The following LHFPL6 variants were observed in gnomAD, a reference collection of about 807,000 sequenced individuals.
LHFPL6 encodes LHFPL tetraspan subfamily member 6 protein.
LHFPL6 carries 9 observed loss-of-function variants against 20.6 expected under a neutral mutation model. The ratio of observed to expected loss-of-function variants is 0.44; its 90% CI spans 0.26 to 0.76. LHFPL6 has a LOEUF of 0.76. Ranked by LOEUF, LHFPL6 falls within the 30% of genes least tolerant of loss-of-function variation. LHFPL6 has a pLI of 0.20. For synonymous variants in LHFPL6, 105 were observed against 98.7 expected, an observed-to-expected ratio of 1.06 and a Z score of -0.38; for missense variants, 218 against 253.5, an observed-to-expected ratio of 0.86 and a Z score of 0.95.
intron 2 of LHFPL6, among the ~76,000 whole-genome samples, chr13:39,437,632 G>T (rs138491299): frequency 6.6e-6 from 1 of 152,136 alleles, no homozygotes; most frequent in Non-Finnish European, 1.5e-5. Context: ...GGCCAGGCGC[G>T]GTGGCTCACG....
In LHFPL6 at chr13:39,600,991, C is replaced by G; in HGVS notation, c.226G>C (p.Gly76Arg). The change falls in exon 2 of 4, where the codon GGC becomes CGC. Residue 76 changes from glycine to arginine, a missense_variant. Gly to Arg is a moderately radical substitution (Grantham distance 125). Transcript: ENST00000379589. ...ATCCTCCATTCTGCGCTGGGGATGC[C>G]CTGGAAGGAGGCATAGCGCCCACAT... ...EECGRYASFQ[G>R]IPSAEWRICT... The G allele has an allele frequency of 6.2e-7, 1 of 1,613,922 alleles. No individual in the cohort carries two copies. Among genetic ancestry groups the G allele is most frequent in the Non-Finnish European group, 8.5e-7 (1 of 1,179,888 alleles).
intron 2 of LHFPL6, among the ~76,000 whole-genome samples, chr13:39,436,450 A>C (rs928107484): frequency 6.6e-6 from 1 of 152,232 alleles, no homozygotes; most frequent in Non-Finnish European, 1.5e-5. Context: ...CAGCAGCTTT[A>C]GTCTAGAGAA....
chr13:39,386,583 A>G (rs1870568893), intron 2 of LHFPL6, among the ~76,000 whole-genome samples: 2 of 152,238 alleles, frequency 1.3e-5, no homozygotes, highest in East Asian at 1.9e-4. Flanking sequence ...ACAGTCACAC[A>G]CTCACCACCC....
chr13:39,442,365 C>T (rs1474800786), intron 2 of LHFPL6, among the ~76,000 whole-genome samples: 1 of 152,044 alleles, frequency 6.6e-6, no homozygotes, highest in African/African-American at 2.4e-5. Flanking sequence ...TTGAGCAAAC[C>T]TTAAGAAAAA....
At chr13:39,358,997 C>A (rs1869804135) in intron 3 of LHFPL6, among the ~76,000 whole-genome samples, 1 of 152,050 alleles carries the variant, frequency 6.6e-6, no homozygotes. Flanking sequence ...ATGGTGAAAC[C>A]CCATCTCTAC....
intron 2 of LHFPL6, among the ~76,000 whole-genome samples, chr13:39,420,290 T>A (rs919878826): frequency 6.6e-6 from 1 of 152,194 alleles, no homozygotes; most frequent in African/African-American, 2.4e-5. Flanking sequence ...AATCCATACC[T>A]CAATTTGAAC....
chr13:39,387,588 C>T (rs1215075130), intron 2 of LHFPL6, among the ~76,000 whole-genome samples: 4 of 150,530 alleles, frequency 2.7e-5, no homozygotes, highest in African/African-American at 9.8e-5. Flanking sequence ...ATCATTACCC[C>T]TGTTTAATAG....
rs186341844 is a variant in LHFPL6, at chr13:39,535,077, T to G, written c.385+65755A>C. On this transcript the variant is annotated intron_variant, in intron 2 of 3. Coordinates refer to ENST00000379589, the MANE Select transcript of LHFPL6 (RefSeq NM_005780.3). The stretch of plus-strand genomic sequence containing the variant: ...CTTTCTTGATTTGTAGCAGCATAAC[T>G]GCAATCTCTACTTCTGTTTTCATGC... Among the ~76,000 whole-genome samples the G allele has an allele frequency of 2.7e-3, 405 of 152,332 alleles. 2 individuals are homozygous for G. The highest frequency in any genetic ancestry group is 2.8e-3 in the Non-Finnish European group (190 of 68,026).
intron 2 of LHFPL6, among the ~76,000 whole-genome samples, chr13:39,541,431 T>C (rs1038237413): frequency 4.6e-5 from 7 of 152,192 alleles, no homozygotes; most frequent in Non-Finnish European, 7.3e-5. Context: ...ATTATGTCAT[T>C]GATGATGCAG....
chr13:39,513,415 T>A (rs1869792988), intron 2 of LHFPL6, among the ~76,000 whole-genome samples: 1 of 152,254 alleles, frequency 6.6e-6, no homozygotes, highest in Non-Finnish European at 1.5e-5. Flanking sequence ...CTTCTTTTCC[T>A]ATCCTATGCC....
At chr13:39,593,442 C>T (rs913312646) in intron 2 of LHFPL6, among the ~76,000 whole-genome samples, 1 of 152,048 alleles carries the variant, frequency 6.6e-6, no homozygotes, top group Non-Finnish European at 1.5e-5. Flanking sequence ...GAACTACAAA[C>T]CACTGCTCAA....
intron 2 of LHFPL6, among the ~76,000 whole-genome samples, chr13:39,461,490 T>C (rs1222158471): frequency 1.3e-5 from 2 of 152,190 alleles, no homozygotes; most frequent in Non-Finnish European, 2.9e-5. Context: ...TGTTTACTGC[T>C]ACATTCACAA....
chr13:39,510,435 C>T (rs1869652739), intron 2 of LHFPL6, among the ~76,000 whole-genome samples: 1 of 152,184 alleles, frequency 6.6e-6, no homozygotes, highest in Admixed American at 6.5e-5. Flanking sequence ...TTGTTTCTCC[C>T]CAGGGGTAGG....
intron 2 of LHFPL6, among the ~76,000 whole-genome samples, chr13:39,467,696 A>G (rs1332534045): frequency 5.3e-5 from 8 of 152,176 alleles, no homozygotes; most frequent in Admixed American, 4.6e-4. Flanking sequence ...ATTAAACACC[A>G]CACCTAGGGC....
At chr13:39,513,896 A>C (rs1869811528) in intron 2 of LHFPL6, among the ~76,000 whole-genome samples, 1 of 152,202 alleles carries the variant, frequency 6.6e-6, no homozygotes, top group South Asian at 2.1e-4. Flanking sequence ...GAGATAAATA[A>C]TACACACAAT....
rs139105710 is a variant in LHFPL6, at chr13:39,382,578, C to T, written c.386-4052G>A. ...CTGATTTTTGTATTTTTAGTGGAGA[C>T]GGGGTTTCACCATGTTGGTCAGGTT... On this transcript the variant is annotated intron_variant, in intron 2 of 3. Coordinates refer to ENST00000379589, the MANE Select transcript of LHFPL6 (RefSeq NM_005780.3). 5.4e-3 allele frequency among the ~76,000 whole-genome samples: 828 copies of T among 152,014 alleles called. 9 individuals carry two copies. The highest frequency in any genetic ancestry group is 6.9e-3 in the Non-Finnish European group (468 of 67,976).
At chr13:39,594,986 A>G (rs1043888131) in intron 2 of LHFPL6, among the ~76,000 whole-genome samples, 1 of 152,020 alleles carries the variant, frequency 6.6e-6, no homozygotes, top group Non-Finnish European at 1.5e-5. Flanking sequence ...TGGAGGGAGG[A>G]GGGATAGCAT....
At chr13:39,451,679 TA>T (rs1872446585) in intron 2 of LHFPL6, among the ~76,000 whole-genome samples, 1 of 152,250 alleles carries the variant, frequency 6.6e-6, no homozygotes, top group African/African-American at 2.4e-5. Flanking sequence ...TTACATGTCC[TA>T]TCAGCATATG....
At chr13:39,585,477 G>T (rs1872421942) in intron 2 of LHFPL6, among the ~76,000 whole-genome samples, 1 of 152,258 alleles carries the variant, frequency 6.6e-6, no homozygotes, top group East Asian at 1.9e-4. Flanking sequence ...TAGTTTATTT[G>T]CTTTACTCTA....
Sources: gnomAD v4.1 joint callset for allele counts (sites outside exome capture counted in the v4.1 genomes callset) on GRCh38, gnomAD v4.1.1 for gene constraint, MANE v1.5 for transcripts, NCBI Gene and HGNC (gene_info 2026-07-23, HGNC 2026-07-21) for gene names.